The following C3orf20 variants were observed in gnomAD, a reference collection of about 807,000 sequenced individuals.
C3orf20 encodes uncharacterized protein C3orf20.
C3orf20 carries 76 observed loss-of-function variants against 88.3 expected under a neutral mutation model. The observed-to-expected ratio is 0.86, with a 90% CI of 0.72 to 1.04. The LOEUF (loss-of-function observed/expected upper bound fraction) is 1.04, where lower values mean the gene tolerates loss of function less well. C3orf20 is among the 50% of genes least tolerant of loss of function. The probability of loss-of-function intolerance (pLI) is 0.00; values close to 1 mark genes in which losing one functional copy is unlikely to be tolerated. For synonymous variants in C3orf20, 436 were observed against 437.4 expected, an observed-to-expected ratio of 1.00 and a Z score of 0.04; for missense variants, 1,056 against 1,123.3, an observed-to-expected ratio of 0.94 and a Z score of 0.86.
rs761605564 is a variant in C3orf20 at position 14,728,490 on chromosome 3, G to T, written c.1742G>T (p.Arg581Leu). The stretch of plus-strand genomic sequence containing the variant: ...AAAAAGGAGGAGGAAGAATTTGTTC[G>T]GTTCAAGATGAGATCCAGAACTCAT... ...PTKKEEEEFVRFKMRSRTHPE... is the reference protein window; with the variant it reads ...PTKKEEEEFVLFKMRSRTHPE... Residue 581 changes from arginine to leucine, a missense_variant, in exon 12 of 17, where the codon CGG becomes CTG. Transcript: ENST00000253697. The T allele has an allele frequency of 6.2e-7, 1 of 1,614,110 alleles. No homozygotes were observed. The highest frequency in any genetic ancestry group is 8.5e-7 in the Non-Finnish European group (1 of 1,180,016).
At chr3:14,760,050 C>T (rs756279368) in intron 14 of C3orf20, 52 bp downstream of exon 14, 30 of 1,299,870 alleles carry the variant, frequency 2.3e-5, no homozygotes, top group Admixed American at 6.8e-5. Flanking sequence ...GCCGCAGCCA[C>T]CTCTGCCCCT....
Position 14,675,220 on chromosome 3 carries a change from C to T in C3orf20, c.-331C>T, listed in dbSNP as rs991888719. 1 of 152,154 alleles carries T rather than the reference C, an allele frequency of 6.6e-6. No homozygotes were observed. The highest frequency in any genetic ancestry group is 1.5e-5 in the Non-Finnish European group (1 of 68,036). 9.4% of individuals were successfully genotyped at this position (152,154 alleles called of 1,614,324 possible). A position where few individuals can be genotyped will look rare whatever the true frequency, so the allele number is the denominator to read the frequency against. On this transcript the variant is annotated 5_prime_UTR_variant, in exon 1 of 17. Coordinates refer to ENST00000253697, the MANE Select transcript of C3orf20 (RefSeq NM_032137.5). ...AAATTGAACTAAGTCGGTTATTCGGCAAGCAGTTCCTATAAAAAACTACAT... is the reference window on the plus strand; with the variant it reads ...AAATTGAACTAAGTCGGTTATTCGGTAAGCAGTTCCTATAAAAAACTACAT...
chr3:14,754,849 C>T (rs886153018), intron 12 of C3orf20, among the ~76,000 whole-genome samples: 1 of 152,088 alleles, frequency 6.6e-6, no homozygotes, highest in Non-Finnish European at 1.5e-5. Flanking sequence ...CTCAGCCTCC[C>T]AAGAAACTGG....
intron 5 of C3orf20, among the ~76,000 whole-genome samples, chr3:14,693,302 T>C (rs2032823907): frequency 1.3e-5 from 2 of 152,254 alleles, no homozygotes; most frequent in African/African-American, 2.4e-5. Flanking sequence ...AATCTGTAGA[T>C]TGCTTTGGGT....
At chr3:14,722,712 A>G (rs1282400781) in intron 10 of C3orf20, 1 of 395,746 alleles carries the variant, frequency 2.5e-6, no homozygotes, top group Non-Finnish European at 5.0e-6. Flanking sequence ...GCCCAGCATG[A>G]GGACTACTTC....
At chr3:14,720,582 GTTT>G (rs1553613452) in intron 9 of C3orf20, among the ~76,000 whole-genome samples, 3 of 144,798 alleles carry the variant, frequency 2.1e-5, no homozygotes, top group Non-Finnish European at 4.6e-5. Context: ...TGTTGTTGTT[GTTT>G]TTGGTTCAGA....
chr3:14,715,348 A>G lies in C3orf20; in HGVS notation c.1373A>G (p.Tyr458Cys), dbSNP rs146072987. Residue 458 changes from tyrosine (Y) to cysteine (C), a missense_variant, in exon 9 of 17, where the codon TAT (tyrosine) becomes TGT (cysteine). Tyr to Cys is a radical substitution (Grantham distance 194, BLOSUM62 -2). Coordinates refer to ENST00000253697, the MANE Select transcript of C3orf20 (RefSeq NM_032137.5). ...EGGTTNDQQG[Y>C]VVHKWSWTSR... Reference sequence around the variant, plus strand: ...GGGACCACCAATGACCAGCAGGGCTATGTAGTCCACAAGTGGAGCTGGACT... The same window carrying G: ...GGGACCACCAATGACCAGCAGGGCTGTGTAGTCCACAAGTGGAGCTGGACT... The G allele has an allele frequency of 2.5e-6, 4 of 1,612,600 alleles. No homozygotes were observed. The highest frequency in any genetic ancestry group is 1.7e-5 in the Admixed American group (1 of 59,990).
intron 9 of C3orf20, among the ~76,000 whole-genome samples, chr3:14,717,825 A>G (rs2033996121): frequency 6.6e-6 from 1 of 151,862 alleles, no homozygotes. Flanking sequence ...ATTAAAGGAT[A>G]TTTTTGCTGG....
intron 15 of C3orf20, among the ~76,000 whole-genome samples, chr3:14,770,166 C>T (rs2035822707): frequency 6.6e-6 from 1 of 152,192 alleles, no homozygotes; most frequent in African/African-American, 2.4e-5. Context: ...CCAGACACTT[C>T]CACAGTCCAC....
At chr3:14,681,623 C>T (rs951425336) in intron 1 of C3orf20, among the ~76,000 whole-genome samples, 1 of 152,208 alleles carries the variant, frequency 6.6e-6, no homozygotes, top group African/African-American at 2.4e-5. Flanking sequence ...CACGGAGGCT[C>T]ACACTCTCAT....
chr3:14,738,630 C>CTTTTTT (rs34407504), intron 12 of C3orf20, among the ~76,000 whole-genome samples: 3 of 73,482 alleles, frequency 4.1e-5, no homozygotes, highest in Non-Finnish European at 7.3e-5. Context: ...CATGCCCGGC[C>CTTTTTT]TTTTTTTTTT....
intron 5 of C3orf20, among the ~76,000 whole-genome samples, chr3:14,698,428 C>G (rs920654000): frequency 1.3e-5 from 2 of 152,202 alleles, no homozygotes; most frequent in Admixed American, 1.3e-4. Context: ...TTTGGGAAGG[C>G]TTTCCAGGTA....
At chr3:14,750,616 C>T (rs575195269) in intron 12 of C3orf20, among the ~76,000 whole-genome samples, 84 of 151,428 alleles carry the variant, frequency 5.5e-4, no homozygotes, top group African/African-American at 2.0e-3. Flanking sequence ...TCTTTCAGCA[C>T]TTTAAATATG....
intron 15 of C3orf20, among the ~76,000 whole-genome samples, chr3:14,766,642 C>G (rs1048726487): frequency 6.6e-6 from 1 of 152,192 alleles, no homozygotes. Flanking sequence ...AGGTGCTGCC[C>G]GGCTGCACTC....
rs200611679 is a variant in C3orf20 at position 14,759,910 on chromosome 3, G to A, written c.2264G>A (p.Arg755His). The A allele has an allele frequency of 4.0e-5, 65 of 1,613,864 alleles. No homozygotes were observed. The highest frequency in any genetic ancestry group is 1.6e-4 in the Middle Eastern group (1 of 6,084). Reference protein sequence around the residue: ...PCIQCRYDSYRLLQYDLDSPL... With the variant: ...PCIQCRYDSYHLLQYDLDSPL... ...TGGTAGTGCCGGTATGACTCCTACC[G>A]CCTGCTGCAGTATGACCTGGACAGC... The change falls in exon 14 of 17, where the codon CGC becomes CAC. Residue 755 changes from arginine (R) to histidine (H), a missense_variant. Physicochemically the swap from Arg to His is conservative, Grantham distance 29. Transcript: ENST00000253697.
intron 13 of C3orf20, among the ~76,000 whole-genome samples, chr3:14,759,178 A>T (rs1302274331): frequency 6.6e-6 from 1 of 152,170 alleles, no homozygotes; most frequent in Non-Finnish European, 1.5e-5. Context: ...TCTTTGGTGA[A>T]TGCAGAAATG....
rs1296635106 is a variant in C3orf20, at chr3:14,740,419, C to T, written c.1940+11731C>T. Among the ~76,000 whole-genome samples the T allele has an allele frequency of 2.6e-5, 4 of 152,022 alleles. No individual in the cohort carries two copies. In the East Asian group the frequency reaches 7.7e-4, roughly 29 times the overall value. On this transcript the variant is annotated intron_variant, in intron 12 of 16. Transcript: ENST00000253697. The stretch of plus-strand genomic sequence containing the variant: ...GTTCATTGGTGCCCCCAAACAATTA[C>T]AATAGTAACATCAAAGATCACTTAA...
At chr3:14,688,556 GA>G (rs1169136554) in intron 4 of C3orf20, among the ~76,000 whole-genome samples, 2 of 144,314 alleles carry the variant, frequency 1.4e-5, no homozygotes, top group Admixed American at 1.4e-4. Context: ...AGAAAAAAAA[GA>G]AAAGAAAAAG....
intron 7 of C3orf20, among the ~76,000 whole-genome samples, chr3:14,707,446 TGTGTG>T (rs2033558040): frequency 2.8e-4 from 1 of 3,576 alleles, no homozygotes; most frequent in Non-Finnish European, 5.5e-4. Context: ...CATCTTTTCT[TGTGTG>T]TGTGTGTGTG....
Sources: gnomAD v4.1 joint callset for allele counts (sites outside exome capture counted in the v4.1 genomes callset) on GRCh38, gnomAD v4.1.1 for gene constraint, MANE v1.5 for transcripts, NCBI Gene and HGNC (gene_info 2026-07-23, HGNC 2026-07-21) for gene names.